The following HPSE2 variants were observed in gnomAD, a reference collection of about 807,000 sequenced individuals.
The protein encoded by HPSE2 is heparanase 2 (inactive), also known as inactive heparanase-2.
In HPSE2, 38 loss-of-function variants were observed where a neutral mutation model predicts 60.5. That is an observed-to-expected ratio of 0.63 (90% CI 0.48 to 0.82). The LOEUF is 0.82. Ranked by LOEUF, HPSE2 falls within the 40% of genes least tolerant of loss-of-function variation. HPSE2 has a pLI of 0.00. For synonymous variants in HPSE2, 295 were observed against 293.2 expected (o/e 1.01, Z -0.06); for missense variants, 713 against 740.4 (o/e 0.96, Z 0.43).
intron 3 of HPSE2, among the ~76,000 whole-genome samples, chr10:98,794,342 C>T (rs759487361): frequency 6.6e-6 from 1 of 151,594 alleles, no homozygotes; most frequent in Non-Finnish European, 1.5e-5. Flanking sequence ...CTCCCAGGTT[C>T]AAGAGATTCT....
At chr10:98,855,470 C>T (rs1016951050) in intron 3 of HPSE2, among the ~76,000 whole-genome samples, 22 of 152,024 alleles carry the variant, frequency 1.4e-4, no homozygotes, top group African/African-American at 4.8e-4. Flanking sequence ...TCCTTTTGTC[C>T]TCTCTTAACT....
intron 6 of HPSE2, among the ~76,000 whole-genome samples, chr10:98,658,905 T>C (rs1947148980): frequency 6.9e-6 from 1 of 145,796 alleles, no homozygotes; most frequent in African/African-American, 2.5e-5. Context: ...TGATTGATAC[T>C]GGCAGAGTTT....
intron 4 of HPSE2, among the ~76,000 whole-genome samples, chr10:98,743,672 A>T (rs1949555875): frequency 7.1e-6 from 1 of 140,484 alleles, no homozygotes; most frequent in African/African-American, 2.4e-5. Context: ...GTAACTAGAG[A>T]TAACTATAGA....
chr10:98,621,572 G>A (rs1946075007), intron 7 of HPSE2, among the ~76,000 whole-genome samples: 1 of 152,170 alleles, frequency 6.6e-6, no homozygotes, highest in Non-Finnish European at 1.5e-5. Context: ...TAGGGAAGAA[G>A]GGAAAACTAA....
chr10:98,677,123 T>C (rs1284175581), intron 6 of HPSE2, among the ~76,000 whole-genome samples: 1 of 152,174 alleles, frequency 6.6e-6, no homozygotes, highest in Non-Finnish European at 1.5e-5. Flanking sequence ...AAATAAGCTA[T>C]ACTTGTAGAA....
At chr10:99,155,951 A>G (rs1210355346) in intron 2 of HPSE2, among the ~76,000 whole-genome samples, 2 of 151,858 alleles carry the variant, frequency 1.3e-5, no homozygotes, top group African/African-American at 4.8e-5. Flanking sequence ...ACAAACTACC[A>G]TCAGAGAATA....
At chr10:98,978,154 T>C (rs1956128899) in intron 3 of HPSE2, among the ~76,000 whole-genome samples, 1 of 152,126 alleles carries the variant, frequency 6.6e-6, no homozygotes. Flanking sequence ...GTTATGCAAA[T>C]GTTAAAAACT....
chr10:98,474,007 A>G (rs1211342525), intron 11 of HPSE2, among the ~76,000 whole-genome samples: 3 of 152,220 alleles, frequency 2.0e-5, no homozygotes, highest in African/African-American at 7.2e-5. Flanking sequence ...TATTTTTGAA[A>G]GAAACTAATT....
chr10:99,103,528 G>A (rs1194757098), intron 3 of HPSE2, among the ~76,000 whole-genome samples: 1 of 152,182 alleles, frequency 6.6e-6, no homozygotes, highest in East Asian at 1.9e-4. Flanking sequence ...TGGGTAGGAA[G>A]AATCGATATC....
chr10:98,765,658 T>C (rs920904206), intron 3 of HPSE2, among the ~76,000 whole-genome samples: 4 of 151,914 alleles, frequency 2.6e-5, no homozygotes, highest in Admixed American at 6.6e-5. Context: ...GCCAAGATGC[T>C]GAAACCCCAT....
chr10:99,161,505 C>T (rs1846844461), intron 2 of HPSE2, among the ~76,000 whole-genome samples: 1 of 152,064 alleles, frequency 6.6e-6, no homozygotes, highest in Non-Finnish European at 1.5e-5. Flanking sequence ...CTGGAGAACG[C>T]ATATCAATTG....
At chr10:99,062,596 T>C (rs1046507673) in intron 3 of HPSE2, among the ~76,000 whole-genome samples, 3 of 152,080 alleles carry the variant, frequency 2.0e-5, no homozygotes, top group African/African-American at 7.2e-5. Context: ...ACCATTACCT[T>C]CAATCAGAGC....
chr10:98,804,505 A>T (rs1950995080), intron 3 of HPSE2, among the ~76,000 whole-genome samples: 1 of 152,180 alleles, frequency 6.6e-6, no homozygotes, highest in South Asian at 2.1e-4. Flanking sequence ...TAAGACATAC[A>T]AATGGCATAC....
chr10:98,655,230 CTTTT>C (rs1167965911), intron 6 of HPSE2, among the ~76,000 whole-genome samples: 1 of 142,114 alleles, frequency 7.0e-6, no homozygotes, highest in African/African-American at 2.6e-5. Flanking sequence ...GGAGAGTTGG[CTTTT>C]TTTTTTTATG....
At chr10:98,956,117 T>A (rs958863720) in intron 3 of HPSE2, among the ~76,000 whole-genome samples, 19 of 152,132 alleles carry the variant, frequency 1.2e-4, no homozygotes, top group Middle Eastern at 6.8e-3. Flanking sequence ...AATTAAATTT[T>A]AAAAAAACAA....
chr10:99,171,626 C>T (rs1847313278), intron 2 of HPSE2, among the ~76,000 whole-genome samples: 1 of 152,062 alleles, frequency 6.6e-6, no homozygotes, highest in African/African-American at 2.4e-5. Flanking sequence ...GAGCCAATAC[C>T]CTGACATATT....
chr10:99,096,240 T>C (rs933401431), intron 3 of HPSE2, among the ~76,000 whole-genome samples: 6 of 152,214 alleles, frequency 3.9e-5, no homozygotes, highest in African/African-American at 1.4e-4. Flanking sequence ...AACATTCCAC[T>C]GAATAATTAT....
intron 3 of HPSE2, among the ~76,000 whole-genome samples, chr10:99,021,888 GTTTT>G (rs147115981): frequency 1.3e-5 from 2 of 150,928 alleles, no homozygotes; most frequent in Non-Finnish European, 2.9e-5. Flanking sequence ...CATTGTACCT[GTTTT>G]TTTATTATTA....
In HPSE2 at chr10:98,459,530, A is replaced by C; in HGVS notation, c.*44T>G. On this transcript the variant is annotated 3_prime_UTR_variant, in exon 12 of 12. Coordinates refer to ENST00000370552, the MANE Select transcript of HPSE2 (RefSeq NM_021828.5). ...GATACTACTGGAGTGGAGGAGTGGA[A>C]GCAGCCCAGCAGGCCCACTGGTAGC... 1 of 1,604,272 alleles carries C rather than the reference A, an allele frequency of 6.2e-7. No individual in the cohort carries two copies. The highest frequency in any genetic ancestry group is 8.5e-7 in the Non-Finnish European group (1 of 1,171,256).
Sources: gnomAD v4.1 joint callset for allele counts (sites outside exome capture counted in the v4.1 genomes callset) on GRCh38, gnomAD v4.1.1 for gene constraint, MANE v1.5 for transcripts, NCBI Gene and HGNC (gene_info 2026-07-23, HGNC 2026-07-21) for gene names.